C12orf56: variants seen among roughly 807,000 people sequenced by gnomAD.
C12orf56 encodes chromosome 12 open reading frame 56, also known as uncharacterized protein C12orf56.
In C12orf56, 71 loss-of-function variants were observed where a neutral mutation model predicts 69.9. The observed-to-expected ratio is 1.02, with a 90% CI of 0.84 to 1.24. C12orf56 has a LOEUF of 1.24. Ranked by LOEUF, C12orf56 falls within the 50% of genes most tolerant of loss-of-function variation. C12orf56 has a pLI of 0.00. For missense variants in C12orf56, 732 were observed against 738.5 expected (o/e 0.99, Z 0.10); for synonymous variants, 276 against 274.1 (o/e 1.01, Z -0.07).
chr12:64,390,162 C>T lies in C12orf56; in HGVS notation c.252+152G>A, dbSNP rs568484453. ...TATTAGGAGTGCTCACAGCAATCCACAGCTTCCCTGTGTTCCTCGTTCTCA... is the reference window on the plus strand; with the variant it reads ...TATTAGGAGTGCTCACAGCAATCCATAGCTTCCCTGTGTTCCTCGTTCTCA... On this transcript the variant is annotated intron_variant, in intron 1 of 12. Coordinates refer to ENST00000543942, the MANE Select transcript of C12orf56 (RefSeq NM_001170633.2). 2.4e-3 allele frequency among the ~76,000 whole-genome samples: 373 copies of T among 152,270 alleles called. 2 individuals are homozygous for T. Among genetic ancestry groups the T allele is most frequent in the African/African-American group, 8.4e-3 (351 of 41,554 alleles).
chr12:64,353,263 T>C (rs535787917), intron 1 of C12orf56, among the ~76,000 whole-genome samples: 1 of 152,228 alleles, frequency 6.6e-6, no homozygotes, highest in South Asian at 2.1e-4. Flanking sequence ...GTTCGAGTGA[T>C]TCTCCTGCCT....
chr12:64,385,713 G>C (rs1209251335), intron 1 of C12orf56, among the ~76,000 whole-genome samples: 1 of 152,038 alleles, frequency 6.6e-6, no homozygotes, highest in Admixed American at 6.6e-5. Flanking sequence ...CTGACTCCCT[G>C]GCTTCCCCCC....
chr12:64,385,163 T>C (rs1425605817), intron 1 of C12orf56, among the ~76,000 whole-genome samples: 1 of 152,134 alleles, frequency 6.6e-6, no homozygotes, highest in Non-Finnish European at 1.5e-5. Context: ...TAAGGAAATG[T>C]CAGCCTTTTA....
intron 3 of C12orf56, among the ~76,000 whole-genome samples, chr12:64,320,820 AAACTG>A (rs1189503989): frequency 1.3e-5 from 2 of 152,204 alleles, no homozygotes; most frequent in African/African-American, 4.8e-5. Context: ...ACCAGTAATC[AAACTG>A]AACTTGGAAA....
Position 64,276,005 on chromosome 12 carries a change from C to CG in C12orf56, c.1435-634_1435-633insC, listed in dbSNP as rs1491460831. Among the ~76,000 whole-genome samples the CG allele has an allele frequency of 3.3e-3, 421 of 128,644 alleles. 1 individual carries two copies. The highest frequency in any genetic ancestry group is 0.015 in the African/African-American group (396 of 26,208). The allele number at this position is 128,644 out of a possible 152,430, so 84.4% of individuals were successfully genotyped here. The stretch of plus-strand genomic sequence containing the variant: ...TTCAAGAATGTAGAAATACACACCC[C>CG]CCCCCGCGAGTTGAGGTGAGAGATT... On this transcript the variant is annotated intron_variant, in intron 9 of 12. Coordinates refer to ENST00000543942, the MANE Select transcript of C12orf56 (RefSeq NM_001170633.2).
At chr12:64,340,296 C>G (rs184717465) in intron 2 of C12orf56, among the ~76,000 whole-genome samples, 1 of 152,186 alleles carries the variant, frequency 6.6e-6, no homozygotes, top group Non-Finnish European at 1.5e-5. Context: ...TCTGCCTTCC[C>G]CAGCCCACTG....
rs3057140 is a variant in C12orf56 at position 64,277,632 on chromosome 12, C to CTATATATA, written c.1434+40_1434+47dup. 330 of 936,558 alleles carry CTATATATA rather than the reference C, an allele frequency of 3.5e-4. 1 individual carries two copies. The highest frequency in any genetic ancestry group is 1.5e-3 in the South Asian group (35 of 23,796). The allele number at this position is 936,558 out of a possible 1,614,324, so 58.0% of individuals were successfully genotyped here. ...TCCACATTAAAAGAAGCCAGGGCCCCTATATATATATATATATAATAGTTT... is the reference window on the plus strand; with the variant it reads ...TCCACATTAAAAGAAGCCAGGGCCCCTATATATATATATATATATATATATAATAGTTT... On this transcript the variant is annotated intron_variant, in intron 9 of 12. Coordinates refer to ENST00000543942, the MANE Select transcript of C12orf56 (RefSeq NM_001170633.2).
At chr12:64,366,216 GTTTATATATTATATATAATATACA>G (rs2039477205) in intron 1 of C12orf56, among the ~76,000 whole-genome samples, 1 of 59,060 alleles carries the variant, frequency 1.7e-5, no homozygotes, top group South Asian at 5.6e-4. Flanking sequence ...ATAATATACA[GTTTATATATTATATATAATATACA>G]GTTTATATAT....
intron 5 of C12orf56, among the ~76,000 whole-genome samples, chr12:64,306,436 T>A (rs7306439): frequency 0.4 from 59,431 of 149,344 alleles, 11,812 homozygotes; most frequent in African/African-American, 0.4. Flanking sequence ...TTTTTTTTTT[T>A]AGACAGAGTC....
chr12:64,314,049 A>G (rs1480747169), intron 4 of C12orf56, among the ~76,000 whole-genome samples: 1 of 150,984 alleles, frequency 6.6e-6, no homozygotes, highest in Non-Finnish European at 1.5e-5. Flanking sequence ...GTCTCAAAAA[A>G]AAAAAAAAAA....
chr12:64,264,835 A>C lies in C12orf56; in HGVS notation c.*2348T>G, dbSNP rs1185787896. 6.6e-6 allele frequency: 1 copy of C among 152,234 alleles called. No individual in the cohort carries two copies. The highest frequency in any genetic ancestry group is 6.5e-5 in the Admixed American group (1 of 15,286). 9.4% of individuals were successfully genotyped at this position (152,234 alleles called of 1,614,324 possible). A position where few individuals can be genotyped will look rare whatever the true frequency, so the allele number is the denominator to read the frequency against. On this transcript the variant is annotated 3_prime_UTR_variant, in exon 13 of 13. Coordinates refer to ENST00000543942, the MANE Select transcript of C12orf56 (RefSeq NM_001170633.2). ...GCAAATGAATAGACATGAGTTATAC[A>C]GAGTAGACTGAAGAAAATCAGGGTG...
chr12:64,390,406 C>T lies in C12orf56; in HGVS notation c.160G>A (p.Val54Met). The T allele has an allele frequency of 6.2e-7, 1 of 1,613,314 alleles. No individual in the cohort carries two copies. The change falls in exon 1 of 13, where the codon GTG becomes ATG. Residue 54 changes from valine (V) to methionine (M), a missense_variant. Val to Met is a conservative substitution (Grantham distance 21). Coordinates refer to ENST00000543942, the MANE Select transcript of C12orf56 (RefSeq NM_001170633.2). ...NSENHILKYVVLSDRLVYLTE... is the reference protein window; with the variant it reads ...NSENHILKYVMLSDRLVYLTE... Reference sequence around the variant, plus strand: ...AGGTAGACGAGCCGGTCGCTTAGCACCACATACTTGAGGATGTGGTTCTCA... The same window carrying T: ...AGGTAGACGAGCCGGTCGCTTAGCATCACATACTTGAGGATGTGGTTCTCA...
chr12:64,339,505 C>T (rs1272823594), intron 2 of C12orf56, among the ~76,000 whole-genome samples: 1 of 152,134 alleles, frequency 6.6e-6, no homozygotes, highest in East Asian at 1.9e-4. Context: ...TTGATGTGGT[C>T]ACCAACTTGG....
intron 8 of C12orf56, among the ~76,000 whole-genome samples, chr12:64,278,609 C>T (rs537686236): frequency 3.3e-5 from 5 of 152,060 alleles, no homozygotes; most frequent in Non-Finnish European, 7.4e-5. Context: ...ATAGTGAGAA[C>T]ACAAAATCTA....
At chr12:64,339,239 T>G (rs558076405) in intron 2 of C12orf56, among the ~76,000 whole-genome samples, 1 of 152,192 alleles carries the variant, frequency 6.6e-6, no homozygotes, top group African/African-American at 2.4e-5. Flanking sequence ...CTCAGCTTAA[T>G]CCTCAGAAAC....
chr12:64,351,864 C>T (rs539786633), intron 2 of C12orf56, among the ~76,000 whole-genome samples: 2 of 61,100 alleles, frequency 3.3e-5, no homozygotes, highest in East Asian at 8.6e-4. Flanking sequence ...CCCTGGGACT[C>T]CTTTGGAAAA....
intron 1 of C12orf56, among the ~76,000 whole-genome samples, chr12:64,368,390 C>T (rs1188742964): frequency 6.6e-6 from 1 of 152,090 alleles, no homozygotes; most frequent in Non-Finnish European, 1.5e-5. Context: ...CAAATTTCTT[C>T]ATTTCTCATG....
chr12:64,273,245 A>G (rs1292159508), intron 11 of C12orf56, among the ~76,000 whole-genome samples: 5 of 151,090 alleles, frequency 3.3e-5, no homozygotes, highest in African/African-American at 1.2e-4. Flanking sequence ...CAGTGAGCTG[A>G]GATCGCAGAA....
chr12:64,338,752 A>G, intron 2 of C12orf56: 1 of 1,451,824 alleles, frequency 6.9e-7, no homozygotes, highest in Non-Finnish European at 9.7e-7. Flanking sequence ...AAGCCATCAT[A>G]TGCTTTATCT....
Sources: gnomAD v4.1 joint callset for allele counts (sites outside exome capture counted in the v4.1 genomes callset) on GRCh38, gnomAD v4.1.1 for gene constraint, MANE v1.5 for transcripts, NCBI Gene and HGNC (gene_info 2026-07-23, HGNC 2026-07-21) for gene names.